Variants in PTGIS observed in about 807,000 individuals in gnomAD.
PTGIS encodes prostacyclin synthase.
In PTGIS, 45 loss-of-function variants were observed where a neutral mutation model predicts 50.3. The observed-to-expected ratio is 0.90, with a 90% CI of 0.70 to 1.15. The LOEUF is 1.15. PTGIS is among the 50% of genes most tolerant of loss of function. The probability of loss-of-function intolerance (pLI) is 0.00; values close to 1 mark genes in which losing one functional copy is unlikely to be tolerated. For missense variants in PTGIS, 668 were observed against 661.3 expected (o/e 1.01, Z -0.11); for synonymous variants, 260 against 267.7 (o/e 0.97, Z 0.28).
intron 9 of PTGIS, among the ~76,000 whole-genome samples, chr20:49,509,522 T>C (rs926824805): frequency 2.0e-5 from 3 of 152,190 alleles, no homozygotes; most frequent in African/African-American, 7.2e-5. Context: ...TTTGTTCCAA[T>C]AGGATTGATA....
At position 49,507,242 on chromosome 20, in the gene PTGIS, C is replaced by T. The variant is rs1052536380; in HGVS notation, c.*678G>A. 8 of 157,750 alleles carry T rather than the reference C, an allele frequency of 5.1e-5. No homozygotes were observed. The highest frequency in any genetic ancestry group is 4.2e-4 in the Admixed American group (7 of 16,596). 9.8% of individuals were successfully genotyped at this position (157,750 alleles called of 1,614,324 possible). On this transcript the variant is annotated 3_prime_UTR_variant, in exon 10 of 10. Transcript: ENST00000244043. The stretch of plus-strand genomic sequence containing the variant: ...AAAGCCCATCCCATCTGGTGCCTGT[C>T]ACTCTAGAACAGAGAACTCCACTCC...
In PTGIS at chr20:49,522,820, CA is replaced by C. The variant is rs558275339; in HGVS notation, c.855+1237del. Among the ~76,000 whole-genome samples, 55 of 152,172 alleles carry C rather than the reference CA, an allele frequency of 3.6e-4. No homozygotes were observed. The East Asian group carries it at 9.3e-3, about 26-fold the overall frequency. ...CTGGTGGATCACGAGGTTAAAAGAT[CA>C]AAACCATCCTGGCCAACATGGTGAA... On this transcript the variant is annotated intron_variant, in intron 6 of 9. Coordinates refer to ENST00000244043, the MANE Select transcript of PTGIS (RefSeq NM_000961.4).
rs575022852 is a variant in PTGIS at position 49,504,950 on chromosome 20, C to T, written c.*2970G>A. On this transcript the variant is annotated 3_prime_UTR_variant, in exon 10 of 10. Coordinates refer to ENST00000244043, the MANE Select transcript of PTGIS (RefSeq NM_000961.4). ...CCATCCTGGCTAATACGGTGAAATC[C>T]CATCTCTACTAAAAATCCAAAAATT... The T allele has an allele frequency of 6.6e-6, 1 of 151,798 alleles. No individual in the cohort carries two copies. Among genetic ancestry groups the T allele is most frequent in the South Asian group, 2.1e-4 (1 of 4,798 alleles). The allele number at this position is 151,798 out of a possible 1,614,324, so 9.4% of individuals were successfully genotyped here. A position where few individuals can be genotyped will look rare whatever the true frequency, so the allele number is the denominator to read the frequency against.
At chr20:49,565,958 G>T (rs529308565) in intron 1 of PTGIS, among the ~76,000 whole-genome samples, 1 of 152,182 alleles carries the variant, frequency 6.6e-6, no homozygotes, top group East Asian at 1.9e-4. Context: ...AGCAGGGCGC[G>T]GTGACTCACG....
At chr20:49,549,140 C>G (rs1186379272) in intron 2 of PTGIS, among the ~76,000 whole-genome samples, 3 of 152,124 alleles carry the variant, frequency 2.0e-5, no homozygotes, top group African/African-American at 7.2e-5. Context: ...CGTAGATAAA[C>G]AGAAAAATGA....
intron 7 of PTGIS, among the ~76,000 whole-genome samples, chr20:49,513,650 G>A (rs1185669549): frequency 6.6e-6 from 1 of 152,166 alleles, no homozygotes; most frequent in Non-Finnish European, 1.5e-5. Context: ...GGGTTAGACT[G>A]CTGCTTCTAT....
In PTGIS at chr20:49,536,478, CTT is replaced by C. The variant is rs761478359; in HGVS notation, c.673+3090_673+3091del. On this transcript the variant is annotated intron_variant, in intron 5 of 9. Transcript: ENST00000244043. ...CTTTTCTTTCTTTCTTTCTTTCTTT[CTT>C]TTTTTTTTTTTTTTTTTTGAGACGG... Among the ~76,000 whole-genome samples the C allele has an allele frequency of 5.7e-3, 624 of 108,598 alleles. 1 individual carries two copies. Among genetic ancestry groups the C allele is most frequent in the African/African-American group, 0.023 (564 of 24,168 alleles). The allele number at this position is 108,598 out of a possible 152,430, so 71.2% of individuals were successfully genotyped here.
chr20:49,514,154 A>T, intron 7 of PTGIS, 73 bp downstream of exon 7: 1 of 1,574,312 alleles, frequency 6.4e-7, no homozygotes. Flanking sequence ...ACAGGAGTCC[A>T]TGTTGGGGAG....
chr20:49,567,616 A>G (rs1380890153), intron 1 of PTGIS, among the ~76,000 whole-genome samples: 1 of 152,238 alleles, frequency 6.6e-6, no homozygotes, highest in African/African-American at 2.4e-5. Context: ...GACAGCGCGT[A>G]GGTGGGTGCC....
chr20:49,562,803 C>G (rs1283984469), intron 1 of PTGIS, among the ~76,000 whole-genome samples: 1 of 152,204 alleles, frequency 6.6e-6, no homozygotes, highest in African/African-American at 2.4e-5. Context: ...CCCACTTGAC[C>G]CTTTGTGAAC....
At chr20:49,562,800 G>T (rs781331867) in intron 1 of PTGIS, among the ~76,000 whole-genome samples, 4 of 152,104 alleles carry the variant, frequency 2.6e-5, no homozygotes, top group Non-Finnish European at 4.4e-5. Context: ...TCTCCCACTT[G>T]ACCCTTTGTG....
chr20:49,525,050 G>T (rs557760909), intron 5 of PTGIS, among the ~76,000 whole-genome samples: 14 of 152,336 alleles, frequency 9.2e-5, no homozygotes, highest in African/African-American at 3.4e-4. Context: ...ATGAGGAGGA[G>T]GCCACTGTGA....
chr20:49,530,957 C>T lies in PTGIS; in HGVS notation c.674-6718G>A, dbSNP rs1374441448. Among the ~76,000 whole-genome samples the T allele has an allele frequency of 3.3e-5, 5 of 152,102 alleles. No individual in the cohort carries two copies. In the South Asian group the frequency reaches 8.3e-4, roughly 25 times the overall value. On this transcript the variant is annotated intron_variant, in intron 5 of 9. Coordinates refer to ENST00000244043, the MANE Select transcript of PTGIS (RefSeq NM_000961.4). Reference sequence around the variant, plus strand: ...GTATTTTTTAGTAGAGACAGGGTCTCACCATATTGGCCAGGATGGTCTCGA... The same window carrying T: ...GTATTTTTTAGTAGAGACAGGGTCTTACCATATTGGCCAGGATGGTCTCGA...
chr20:49,513,217 T>C lies in PTGIS; in HGVS notation c.1069A>G (p.Ile357Val). The change falls in exon 8 of 10, where the codon ATC becomes GTC. Residue 357 changes from isoleucine to valine, a missense_variant. Ile to Val is a conservative substitution (Grantham distance 29, BLOSUM62 3). Transcript: ENST00000244043. ...AGGTCCACCACAACCTCGCGGGTGATGAAGGGGGCAGCTGTAAGCCTGAGG... is the reference window on the plus strand; with the variant it reads ...AGGTCCACCACAACCTCGCGGGTGACGAAGGGGGCAGCTGTAAGCCTGAGG... ...ESLRLTAAPFITREVVVDLAM... is the reference protein window; with the variant it reads ...ESLRLTAAPFVTREVVVDLAM... 1 of 1,613,972 alleles carries C rather than the reference T, an allele frequency of 6.2e-7. No homozygotes were observed. The highest frequency in any genetic ancestry group is 1.1e-5 in the South Asian group (1 of 91,078).
chr20:49,520,379 G>C (rs1043803214), intron 6 of PTGIS, among the ~76,000 whole-genome samples: 1 of 151,590 alleles, frequency 6.6e-6, no homozygotes, highest in Non-Finnish European at 1.5e-5. Context: ...TGTTGCCCAG[G>C]CTGGAGTGCA....
At chr20:49,550,640 C>G (rs1424539378) in intron 1 of PTGIS, among the ~76,000 whole-genome samples, 2 of 152,220 alleles carry the variant, frequency 1.3e-5, no homozygotes, top group African/African-American at 4.8e-5. Flanking sequence ...AGCTTGGTAT[C>G]TGTCTTCATT....
intron 5 of PTGIS, among the ~76,000 whole-genome samples, chr20:49,528,534 C>T (rs1358888895): frequency 6.6e-6 from 1 of 152,094 alleles, no homozygotes; most frequent in Non-Finnish European, 1.5e-5. Context: ...GCAGGAGAAT[C>T]GCTTGAACCC....
intron 7 of PTGIS, 70 bp from the exon 8 acceptor site, chr20:49,513,331 C>T: frequency 2.0e-6 from 3 of 1,526,180 alleles, no homozygotes; most frequent in Non-Finnish European, 2.7e-6. Flanking sequence ...AACCCCAGCT[C>T]TTATTTTACA....
At chr20:49,548,528 A>G (rs568585334) in intron 2 of PTGIS, among the ~76,000 whole-genome samples, 7 of 152,098 alleles carry the variant, frequency 4.6e-5, no homozygotes, top group African/African-American at 1.7e-4. Flanking sequence ...GGATAAGTAG[A>G]TGGATGAATG....
Sources: allele counts gnomAD v4.1 joint callset (sites outside exome capture counted in the v4.1 genomes callset), GRCh38; gene constraint gnomAD v4.1.1; transcripts MANE v1.5; gene names NCBI Gene and HGNC (gene_info 2026-07-23, HGNC 2026-07-21).